Variants in CACNA1D observed in about 807,000 individuals in gnomAD.
CACNA1D encodes voltage-dependent L-type calcium channel subunit alpha-1D.
Under a neutral mutation model 257.1 loss-of-function variants are expected in CACNA1D, and 55 were observed. The ratio of observed to expected loss-of-function variants is 0.21; its 90% CI spans 0.17 to 0.27. CACNA1D has a LOEUF of 0.27. Among genes scored for constraint, CACNA1D ranks in the 10% least tolerant of loss-of-function variants. The probability of loss-of-function intolerance (pLI) is 1.00; values close to 1 mark genes in which losing one functional copy is unlikely to be tolerated. For synonymous variants in CACNA1D, 980 were observed against 1,014.9 expected, an observed-to-expected ratio of 0.97 and a Z score of 0.65; for missense variants, 1,876 against 2,784.0, an observed-to-expected ratio of 0.67 and a Z score of 7.34.
chr3:53,787,818 G>C (rs1173675310), intron 40 of CACNA1D, among the ~76,000 whole-genome samples: 2 of 152,170 alleles, frequency 1.3e-5, no homozygotes, highest in African/African-American at 4.8e-5. Flanking sequence ...GCTAAGGACA[G>C]GGAAGAGGGA....
intron 3 of CACNA1D, among the ~76,000 whole-genome samples, chr3:53,538,108 T>C (rs1437064326): frequency 6.6e-6 from 1 of 151,762 alleles, no homozygotes; most frequent in Non-Finnish European, 1.5e-5. Context: ...GGCTTAAATG[T>C]TTGATTTTTC....
chr3:53,693,090 A>G (rs1340423194), intron 8 of CACNA1D, among the ~76,000 whole-genome samples: 1 of 152,184 alleles, frequency 6.6e-6, no homozygotes, highest in African/African-American at 2.4e-5. Context: ...GTTTTTCTTC[A>G]ACATATTTTA....
At chr3:53,691,557 A>G (rs1473057959) in intron 8 of CACNA1D, among the ~76,000 whole-genome samples, 2 of 150,260 alleles carry the variant, frequency 1.3e-5, no homozygotes, top group Admixed American at 6.7e-5. Context: ...CTAACCCTTC[A>G]AAGAGAGAGA....
intron 4 of CACNA1D, among the ~76,000 whole-genome samples, chr3:53,659,615 G>T (rs1206352104): frequency 6.6e-6 from 1 of 152,234 alleles, no homozygotes; most frequent in Non-Finnish European, 1.5e-5. Flanking sequence ...TTCTAGTGGG[G>T]TCCACATGCC....
At chr3:53,625,304 T>TTAA (rs2093744571) in intron 3 of CACNA1D, among the ~76,000 whole-genome samples, 1 of 152,176 alleles carries the variant, frequency 6.6e-6, no homozygotes, top group African/African-American at 2.4e-5. Flanking sequence ...CCCCACTACC[T>TTAA]TTGGAAGAGC....
intron 8 of CACNA1D, among the ~76,000 whole-genome samples, chr3:53,696,269 T>C (rs771517238): frequency 7.9e-5 from 12 of 152,372 alleles, no homozygotes; most frequent in Non-Finnish European, 1.8e-4. Context: ...TGTCTGGCCT[T>C]GTAGCCTGGT....
chr3:53,803,326 C>A, intron 43 of CACNA1D, 97 bp from the exon 44 acceptor site: 1 of 1,389,586 alleles, frequency 7.2e-7, no homozygotes. Context: ...AAGCCAGGAG[C>A]ACCCGGGCAG....
intron 47 of CACNA1D, among the ~76,000 whole-genome samples, chr3:53,810,780 A>AGC: frequency 7.6e-6 from 1 of 131,906 alleles, no homozygotes; most frequent in Non-Finnish European, 1.6e-5. Context: ...AAAAAAAAAA[A>AGC]AAAAAACAAA....
chr3:53,811,280 C>T lies in CACNA1D; in HGVS notation c.6360C>T (p.Gly2120=), dbSNP rs766428647. ...GTCCCCGAGCCAACGGGGATGTGGG[C>T]CCCCTCTCACACCGGCAGGACTATG... ...NVRPRANGDV[G]PLSHRQDYEL... is the part of the protein sequence containing the mutation. The change falls in exon 48 of 48, where the codon GGC becomes GGT. Residue 2120 remains glycine, a synonymous_variant. Coordinates refer to ENST00000350061, the MANE Select transcript of CACNA1D (RefSeq NM_001128840.3). The surrounding 1 kb of genome is among the most constrained non-coding windows in gnomAD (Gnocchi z 4.2). The T allele has an allele frequency of 6.2e-7, 1 of 1,613,852 alleles. No individual in the cohort carries two copies. The highest frequency in any genetic ancestry group is 8.5e-7 in the Non-Finnish European group (1 of 1,179,974).
intron 8 of CACNA1D, among the ~76,000 whole-genome samples, chr3:53,701,585 C>G (rs142382993): frequency 6.6e-6 from 1 of 152,228 alleles, no homozygotes; most frequent in African/African-American, 2.4e-5. Context: ...TAACCTGTGT[C>G]AGAATCTCAA....
At chr3:53,701,394 A>G (rs557820708) in intron 8 of CACNA1D, among the ~76,000 whole-genome samples, 14 of 152,262 alleles carry the variant, frequency 9.2e-5, no homozygotes, top group African/African-American at 2.9e-4. Flanking sequence ...GGCTTCCCAA[A>G]GTGCTGGGAT....
Position 53,800,724 on chromosome 3 carries a change from TC to T in CACNA1D, c.5041-329del. On this transcript the variant is annotated intron_variant, in intron 41 of 47. Transcript: ENST00000350061. The surrounding 1 kb of genome is among the most constrained non-coding windows in gnomAD (Gnocchi z 4.3). ...CTTTGATCTGCCAGCTGGCTGTCAGTCCCCCAGCCCAGAGAGCATGCCCAAC... is the reference window on the plus strand; with the variant it reads ...CTTTGATCTGCCAGCTGGCTGTCAGTCCCCAGCCCAGAGAGCATGCCCAAC... The T allele has an allele frequency of 4.0e-6, 2 of 499,248 alleles. No individual in the cohort carries two copies. Among genetic ancestry groups the T allele is most frequent in the Non-Finnish European group, 7.3e-6 (2 of 273,962 alleles). 30.9% of individuals were successfully genotyped at this position (499,248 alleles called of 1,614,324 possible).
chr3:53,578,300 G>T (rs113210396), intron 3 of CACNA1D, among the ~76,000 whole-genome samples: 4,494 of 152,230 alleles, frequency 0.03, 101 homozygotes, highest in Non-Finnish European at 0.042. Flanking sequence ...CTGAGGAGGG[G>T]TGTGGTTTTA....
At chr3:53,700,614 G>A (rs1418282323) in intron 8 of CACNA1D, among the ~76,000 whole-genome samples, 1 of 152,174 alleles carries the variant, frequency 6.6e-6, no homozygotes, top group Non-Finnish European at 1.5e-5. Flanking sequence ...GCGAGACACT[G>A]GAGTCCTTAC....
intron 15 of CACNA1D, among the ~76,000 whole-genome samples, chr3:53,727,217 T>C (rs1290423728): frequency 6.6e-6 from 1 of 152,210 alleles, no homozygotes; most frequent in African/African-American, 2.4e-5. Context: ...GCGCTCTGGC[T>C]AAGAGAAGCA....
intron 3 of CACNA1D, among the ~76,000 whole-genome samples, chr3:53,629,801 G>GGTAGCAGTATAAATTA (rs1206843246): frequency 1.3e-5 from 2 of 152,166 alleles, no homozygotes; most frequent in Admixed American, 6.5e-5. Context: ...ATGTATAAAT[G>GGTAGCAGTATAAATTA]GTAGCAGTTG....
At chr3:53,772,588 A>G (rs1042398894) in intron 32 of CACNA1D, among the ~76,000 whole-genome samples, 3 of 152,252 alleles carry the variant, frequency 2.0e-5, no homozygotes, top group African/African-American at 7.2e-5. Context: ...AGGGTTAATG[A>G]CCGTGGAAAG....
At chr3:53,667,095 A>G (rs2094272954) in intron 7 of CACNA1D, among the ~76,000 whole-genome samples, 1 of 152,194 alleles carries the variant, frequency 6.6e-6, no homozygotes, top group Admixed American at 6.5e-5. Flanking sequence ...ATCCCAGCAC[A>G]AAACCTTAGC....
intron 9 of CACNA1D, among the ~76,000 whole-genome samples, chr3:53,711,180 G>A (rs562000084): frequency 2.6e-5 from 4 of 152,098 alleles, no homozygotes; most frequent in East Asian, 1.9e-4. Flanking sequence ...CCAGGAGTTC[G>A]AGGCTGCAGT....
Sources: allele counts gnomAD v4.1 joint callset (sites outside exome capture counted in the v4.1 genomes callset), GRCh38; gene constraint gnomAD v4.1.1; non-coding constraint Gnocchi (gnomAD v3.1); transcripts MANE v1.5; gene names NCBI Gene and HGNC (gene_info 2026-07-23, HGNC 2026-07-21).